Variants in CCDC77 observed in about 807,000 individuals in gnomAD.
CCDC77 encodes coiled-coil domain-containing protein 77.
A neutral mutation model predicts 66.8 loss-of-function variants in CCDC77; 56 were observed. The ratio of observed to expected loss-of-function variants is 0.84; its 90% CI spans 0.68 to 1.05. CCDC77 has a LOEUF of 1.05. Ranked by LOEUF, CCDC77 falls within the 50% of genes least tolerant of loss-of-function variation. The pLI is 0.00. For missense variants in CCDC77, 570 were observed against 576.8 expected (o/e 0.99, Z 0.12); for synonymous variants, 196 against 195.2 (o/e 1.00, Z -0.03).
At chr12:441,082 G>A in intron 12 of CCDC77, 86 bp downstream of exon 12, 2 of 1,386,400 alleles carry the variant, frequency 1.4e-6, no homozygotes, top group African/African-American at 1.4e-5. Flanking sequence ...AAAGAAGGAT[G>A]TGCTGTTTCC....
intron 1 of CCDC77, among the ~76,000 whole-genome samples, chr12:395,906 T>C (rs983458971): frequency 6.6e-6 from 1 of 150,770 alleles, no homozygotes; most frequent in African/African-American, 2.4e-5. Context: ...AATAAATAAA[T>C]AAATAAAAAA....
intron 9 of CCDC77, among the ~76,000 whole-genome samples, chr12:438,044 A>G (rs2137620215): frequency 6.6e-6 from 1 of 152,182 alleles, no homozygotes; most frequent in Non-Finnish European, 1.5e-5. Flanking sequence ...AACGCAGGCT[A>G]TGTGTAAATA....
At chr12:390,120 C>CAAA (rs11330348) in intron 1 of CCDC77, 10 of 73,388 alleles carry the variant, frequency 1.4e-4, no homozygotes, top group South Asian at 1.1e-3. Context: ...GTTGCCTGAG[C>CAAA]AAAAAAAAAA....
At chr12:409,540 CAG>C in intron 3 of CCDC77, 119 bp downstream of exon 3, 1 of 916,156 alleles carries the variant, frequency 1.1e-6, no homozygotes, top group Non-Finnish European at 1.7e-6. Context: ...TTCTTTGAGA[CAG>C]AGTTTCACTC....
In CCDC77 at chr12:440,651, T is replaced by C. The variant is rs1945840736; in HGVS notation, c.1076T>C (p.Leu359Pro). Residue 359 changes from leucine to proline, a missense_variant, in exon 11 of 13, where the codon CTG (leucine) becomes CCG (proline). Coordinates refer to ENST00000239830, the MANE Select transcript of CCDC77 (RefSeq NM_032358.4). ...GATAAGTTAGTACAAGAGAAAAAGC[T>C]GTCCAATATGTACCAAGAGCAGTGC... Reference protein sequence around the residue: ...LKDKLVQEKKLSNMYQEQCIS... With the variant: ...LKDKLVQEKKPSNMYQEQCIS... The C allele has an allele frequency of 6.2e-7, 1 of 1,614,216 alleles. No individual in the cohort carries two copies. Among genetic ancestry groups the C allele is most frequent in the Non-Finnish European group, 8.5e-7 (1 of 1,180,032 alleles).
At chr12:399,419 C>G (rs1308586376), upstream of CCDC77, among the ~76,000 whole-genome samples, 1 of 152,104 alleles carries the variant, frequency 6.6e-6, no homozygotes, top group Non-Finnish European at 1.5e-5. Flanking sequence ...ATCCGCCCAC[C>G]TCAGCCTCCC....
chr12:432,185 A>G (rs1256578155), intron 8 of CCDC77, among the ~76,000 whole-genome samples: 1 of 152,256 alleles, frequency 6.6e-6, no homozygotes, highest in Non-Finnish European at 1.5e-5. Context: ...AATTCAATAT[A>G]CTAAGCCCCA....
intron 2 of CCDC77, among the ~76,000 whole-genome samples, chr12:408,430 A>G (rs1945040437): frequency 6.6e-6 from 1 of 152,212 alleles, no homozygotes; most frequent in African/African-American, 2.4e-5. Flanking sequence ...GCTTAAGATA[A>G]TAGAGAAAGT....
At position 418,603 on chromosome 12, in the gene CCDC77, G is replaced by A. The variant is rs138444922; in HGVS notation, c.380G>A (p.Arg127His). The A allele has an allele frequency of 7.6e-5, 123 of 1,613,998 alleles. No homozygotes were observed. Among genetic ancestry groups the A allele is most frequent in the Non-Finnish European group, 9.3e-5 (110 of 1,179,992 alleles). Reference sequence around the variant, plus strand: ...TTCCAGGAACGGGAACATGTTTTACGCCTCTACTCAGAAAATGACCGACTG... The same window carrying A: ...TTCCAGGAACGGGAACATGTTTTACACCTCTACTCAGAAAATGACCGACTG... Reference protein sequence around the residue: ...CLFQEREHVLRLYSENDRLRI... With the variant: ...CLFQEREHVLHLYSENDRLRI... The change falls in exon 5 of 13, where the codon CGC (arginine) becomes CAC (histidine). Residue 127 changes from arginine (R) to histidine (H), a missense_variant. Coordinates refer to ENST00000239830, the MANE Select transcript of CCDC77 (RefSeq NM_032358.4).
intron 5 of CCDC77, among the ~76,000 whole-genome samples, chr12:427,223 C>T (rs775188825): frequency 1.0e-4 from 15 of 149,940 alleles, no homozygotes; most frequent in Admixed American, 2.7e-4. Context: ...CCAGCCTGGG[C>T]GACAGAGCGA....
chr12:392,606 G>A (rs935153854), intron 1 of CCDC77, among the ~76,000 whole-genome samples: 4 of 152,010 alleles, frequency 2.6e-5, no homozygotes, highest in South Asian at 2.1e-4. Context: ...TTAGCCGGGC[G>A]TAGTGGTGGG....
chr12:401,333 T>C (rs1048330735), upstream of CCDC77, among the ~76,000 whole-genome samples: 3 of 152,228 alleles, frequency 2.0e-5, no homozygotes, highest in Non-Finnish European at 2.9e-5. Flanking sequence ...CTCAAAGCAG[T>C]TGAGCAATCT....
In CCDC77 at chr12:440,792, G is replaced by A. The variant is rs777659831; in HGVS notation, c.1167+50G>A. On this transcript the variant is annotated intron_variant, in intron 11 of 12. Coordinates refer to ENST00000239830, the MANE Select transcript of CCDC77 (RefSeq NM_032358.4). ...ATGGAATAGGAAGTGCAGATGGCTG[G>A]GGAAGACGCTTCCCTCACCTTCGTA... 2.5e-6 allele frequency: 4 copies of A among 1,613,088 alleles called. No homozygotes were observed. The Admixed American group carries it at 5.0e-5, about 20-fold the overall frequency.
In CCDC77 at chr12:440,868, C is replaced by T. The variant is rs756546529; in HGVS notation, c.1192C>T (p.Arg398Cys). 6 of 1,613,478 alleles carry T rather than the reference C, an allele frequency of 3.7e-6. No individual in the cohort carries two copies. The highest frequency in any genetic ancestry group is 2.2e-5 in the East Asian group (1 of 44,894). Residue 398 changes from arginine to cysteine, a missense_variant, in exon 12 of 13, where the codon CGT becomes TGT. Coordinates refer to ENST00000239830, the MANE Select transcript of CCDC77 (RefSeq NM_032358.4). Reference protein sequence around the residue: ...FKDRTNKMGKRLQIMTKRYEA... With the variant: ...FKDRTNKMGKCLQIMTKRYEA... ...GGATCGCACTAACAAGATGGGGAAG[C>T]GTTTACAGATAATGACAAAACGCTA...
chr12:418,424 C>T, intron 4 of CCDC77, 70 bp from the exon 5 acceptor site: 1 of 1,466,116 alleles, frequency 6.8e-7, no homozygotes, highest in African/African-American at 1.4e-5. Context: ...GTAGACTCCT[C>T]CCTATCCAGT....
intron 1 of CCDC77, among the ~76,000 whole-genome samples, chr12:404,503 C>T (rs958298625): frequency 5.3e-5 from 8 of 152,124 alleles, no homozygotes; most frequent in Non-Finnish European, 1.0e-4. Flanking sequence ...CTCAGTGGCT[C>T]ATGCCTGTAA....
chr12:436,032 G>A (rs1315642101), intron 9 of CCDC77, among the ~76,000 whole-genome samples: 1 of 151,650 alleles, frequency 6.6e-6, no homozygotes, highest in Non-Finnish European at 1.5e-5. Context: ...GAGCCACTGT[G>A]CCCAGCCTTG....
chr12:430,554 T>C, intron 6 of CCDC77, 110 bp from the exon 7 acceptor site: 4 of 799,860 alleles, frequency 5.0e-6, no homozygotes, highest in South Asian at 4.2e-5. Context: ...TATGATCATA[T>C]CAGTTTTGAC....
intron 3 of CCDC77, 74 bp downstream of exon 3, chr12:409,495 G>A (rs1333573211): frequency 7.4e-7 from 1 of 1,344,296 alleles, no homozygotes; most frequent in African/African-American, 1.5e-5. Context: ...ATAGGAACTG[G>A]AAAGGTATTG....
Sources: allele counts gnomAD v4.1 joint callset (sites outside exome capture counted in the v4.1 genomes callset), GRCh38; gene constraint gnomAD v4.1.1; transcripts MANE v1.5; gene names NCBI Gene and HGNC (gene_info 2026-07-23, HGNC 2026-07-21).